PDK1: variants seen among roughly 807,000 people sequenced by gnomAD.
The protein encoded by PDK1 is pyruvate dehydrogenase kinase 1.
A neutral mutation model predicts 54.2 loss-of-function variants in PDK1; 39 were observed. The observed-to-expected ratio is 0.72, with a 90% CI of 0.56 to 0.94. The LOEUF is 0.94. Ranked by LOEUF, PDK1 falls within the 40% of genes least tolerant of loss-of-function variation. The pLI is 0.00. For synonymous variants in PDK1, 221 were observed against 207.1 expected (o/e 1.07, Z -0.58); for missense variants, 552 against 566.0 (o/e 0.98, Z 0.25).
the PDK1 span, among the ~76,000 whole-genome samples, chr2:172,713,383 G>T: frequency 6.6e-6 from 1 of 152,180 alleles, no homozygotes; most frequent in Non-Finnish European, 1.5e-5. Context: ...GCTCCTTTCT[G>T]CCCAGGAGCC....
At chr2:172,688,818 G>A in the PDK1 span, among the ~76,000 whole-genome samples, 4 of 152,064 alleles carry the variant, frequency 2.6e-5, no homozygotes, top group South Asian at 2.1e-4. Flanking sequence ...CCACATGGCA[G>A]CCAGAGGCTG....
At chr2:172,718,636 T>C in the PDK1 span, among the ~76,000 whole-genome samples, 1 of 152,180 alleles carries the variant, frequency 6.6e-6, no homozygotes, top group Non-Finnish European at 1.5e-5. Context: ...GTTTGTATTT[T>C]CTGGAGTGAT....
At chr2:172,672,438 A>G in the PDK1 span, among the ~76,000 whole-genome samples, 1 of 152,212 alleles carries the variant, frequency 6.6e-6, no homozygotes, top group East Asian at 1.9e-4. Context: ...ACATTCCCAT[A>G]ATTATTGAGG....
chr2:172,583,297 T>TTTTTTTTTTTTTTTTTTTTTTTA (rs1690021459), intron 8 of PDK1, among the ~76,000 whole-genome samples: 1 of 135,186 alleles, frequency 7.4e-6, no homozygotes, highest in Non-Finnish European at 1.6e-5. Context: ...TTTTTTTTTT[T>TTTTTTTTTTTTTTTTTTTTTTTA]TTTTTTTTTT....
At chr2:172,683,670 A>G in the PDK1 span, among the ~76,000 whole-genome samples, 2 of 152,248 alleles carry the variant, frequency 1.3e-5, no homozygotes, top group Admixed American at 6.5e-5. Flanking sequence ...TATATTTAAA[A>G]TCATGGAATT....
the PDK1 span, among the ~76,000 whole-genome samples, chr2:172,685,306 G>A: frequency 4.5e-4 from 68 of 152,192 alleles, no homozygotes; most frequent in African/African-American, 1.6e-3. Flanking sequence ...GACCACAATG[G>A]AGGCAGTGGG....
the PDK1 span, among the ~76,000 whole-genome samples, chr2:172,649,935 C>T: frequency 1.3e-5 from 2 of 152,154 alleles, no homozygotes; most frequent in Admixed American, 6.5e-5. Flanking sequence ...TCCAGGAGAA[C>T]TTCCACAACC....
chr2:172,573,583 GTA>G (rs898100877), intron 8 of PDK1, among the ~76,000 whole-genome samples: 8 of 150,340 alleles, frequency 5.3e-5, no homozygotes, highest in African/African-American at 1.5e-4. Context: ...ATATGTGTGT[GTA>G]TATATATACA....
Position 172,605,817 on chromosome 2 carries a change from A to G in PDK1, c.*9848A>G, listed in dbSNP as rs963222652. On this transcript the variant is annotated 3_prime_UTR_variant, in exon 11 of 11. Coordinates refer to ENST00000282077, the MANE Select transcript of PDK1 (RefSeq NM_002610.5). ...CACCTACTTTGCTTCTCTCTGACCA[A>G]CATAGGGGCAGGATCTGTGGAAAGA... The G allele has an allele frequency of 6.6e-6, 1 of 152,180 alleles. No individual in the cohort carries two copies. The highest frequency in any genetic ancestry group is 2.4e-5 in the African/African-American group (1 of 41,426). 9.4% of individuals were successfully genotyped at this position (152,180 alleles called of 1,614,324 possible). A position where few individuals can be genotyped will look rare whatever the true frequency, so the allele number is the denominator to read the frequency against.
chr2:172,639,945 C>T, the PDK1 span, among the ~76,000 whole-genome samples: 1 of 152,150 alleles, frequency 6.6e-6, no homozygotes, highest in African/African-American at 2.4e-5. Flanking sequence ...TTTTAGTCTG[C>T]GTAGACAGGG....
chr2:172,632,849 G>A, the PDK1 span, among the ~76,000 whole-genome samples: 2,863 of 151,350 alleles, frequency 0.019, 93 homozygotes, highest in African/African-American at 0.065. Flanking sequence ...GTGTGGTGGC[G>A]CGCACCTGTA....
At chr2:172,668,894 C>CACATATAT in the PDK1 span, among the ~76,000 whole-genome samples, 14 of 113,186 alleles carry the variant, frequency 1.2e-4, no homozygotes, top group East Asian at 1.3e-3. Flanking sequence ...CACACACACA[C>CACATATAT]ATATATATAT....
the PDK1 span, among the ~76,000 whole-genome samples, chr2:172,717,939 CA>C: frequency 3.9e-5 from 6 of 152,128 alleles, no homozygotes; most frequent in Non-Finnish European, 8.8e-5. Context: ...GGAAACATTA[CA>C]AAACATTTGT....
the PDK1 span, among the ~76,000 whole-genome samples, chr2:172,627,183 A>G: frequency 2.6e-5 from 4 of 152,360 alleles, no homozygotes; most frequent in South Asian, 6.2e-4. Context: ...CTAAACCTGC[A>G]TCCAGGGCCA....
At chr2:172,634,897 A>G in the PDK1 span, among the ~76,000 whole-genome samples, 1 of 152,236 alleles carries the variant, frequency 6.6e-6, no homozygotes, top group Non-Finnish European at 1.5e-5. Context: ...ATTATAATGA[A>G]CAGTCATTGT....
chr2:172,716,292 C>T, the PDK1 span, among the ~76,000 whole-genome samples: 2 of 152,254 alleles, frequency 1.3e-5, no homozygotes, highest in East Asian at 3.9e-4. Flanking sequence ...ATATACTTGG[C>T]TAAAATACTT....
In PDK1 at chr2:172,564,503, C is replaced by G; in HGVS notation, c.411C>G (p.Asp137Glu). 1 of 1,611,596 alleles carries G rather than the reference C, an allele frequency of 6.2e-7. No homozygotes were observed. The highest frequency in any genetic ancestry group is 8.5e-7 in the Non-Finnish European group (1 of 1,178,266). ...TGTTTTGACAGATGGGTTTGTTTAG[C>G]TTTACAGATACTGTGATACGGATCA... ...KSAEDAKAIYDFTDTVIRIRN... is the reference protein window; with the variant it reads ...KSAEDAKAIYEFTDTVIRIRN... Residue 137 changes from aspartate to glutamate, a missense_variant and splice_region_variant, in exon 4 of 11, where the codon GAC (aspartate) becomes GAG (glutamate). Physicochemically the swap from Asp to Glu is conservative, Grantham distance 45 (BLOSUM62 2). Coordinates refer to ENST00000282077, the MANE Select transcript of PDK1 (RefSeq NM_002610.5).
In PDK1 at chr2:172,562,397, A is replaced by G. The variant is rs1211515466; in HGVS notation, c.410+106A>G. ...TACTTTAGAACATGTGATATATGTG[A>G]CTGTAGCAGCCCATACAGGCAGGAC... is the stretch of plus-strand genomic sequence containing the variant. On this transcript the variant is annotated intron_variant, in intron 3 of 10. Transcript: ENST00000282077. 3 of 735,880 alleles carry G rather than the reference A, an allele frequency of 4.1e-6. No individual in the cohort carries two copies. The African/African-American group carries it at 5.3e-5, about 13-fold the overall frequency. The allele number at this position is 735,880 out of a possible 1,614,324, so 45.6% of individuals were successfully genotyped here. A position where few individuals can be genotyped will look rare whatever the true frequency, so the allele number is the denominator to read the frequency against.
At chr2:172,718,626 G>A in the PDK1 span, among the ~76,000 whole-genome samples, 1 of 152,178 alleles carries the variant, frequency 6.6e-6, no homozygotes, top group African/African-American at 2.4e-5. Flanking sequence ...TGTTGAGTGA[G>A]TTTGTATTTT....
Sources: allele counts gnomAD v4.1 joint callset (sites outside exome capture counted in the v4.1 genomes callset), GRCh38; gene constraint gnomAD v4.1.1; transcripts MANE v1.5; gene names NCBI Gene and HGNC (gene_info 2026-07-23, HGNC 2026-07-21).